Variants in LRP1B observed in about 807,000 individuals in gnomAD.
LRP1B encodes low-density lipoprotein receptor-related protein 1B.
LRP1B carries 217 observed loss-of-function variants against 556.6 expected under a neutral mutation model. The ratio of observed to expected loss-of-function variants is 0.39; its 90% CI spans 0.35 to 0.44. The LOEUF is 0.44. Ranked by LOEUF, LRP1B falls within the 20% of genes least tolerant of loss-of-function variation. The pLI, the probability that LRP1B is intolerant of heterozygous loss-of-function variation, is 1.00. For synonymous variants in LRP1B, 2,047 were observed against 1,865.8 expected (o/e 1.10, Z -2.50); for missense variants, 5,053 against 5,620.8 (o/e 0.90, Z 3.23).
chr2:141,139,105 T>C (rs137902126), intron 7 of LRP1B, among the ~76,000 whole-genome samples: 2,075 of 151,956 alleles, frequency 0.014, 20 homozygotes, highest in Middle Eastern at 0.044. Flanking sequence ...GAAACAATAG[T>C]TTTTTCAACA....
chr2:141,722,491 T>C (rs777981881), intron 2 of LRP1B, among the ~76,000 whole-genome samples: 5 of 152,176 alleles, frequency 3.3e-5, no homozygotes, highest in Non-Finnish European at 7.4e-5. Flanking sequence ...TACACTAAGC[T>C]GATTGTTATG....
intron 7 of LRP1B, among the ~76,000 whole-genome samples, chr2:141,162,063 T>C (rs2105114410): frequency 6.6e-6 from 1 of 152,232 alleles, no homozygotes; most frequent in African/African-American, 2.4e-5. Context: ...AAGATTCCTT[T>C]CTGTTCCTAG....
intron 43 of LRP1B, among the ~76,000 whole-genome samples, chr2:140,572,561 AT>A (rs1447764616): frequency 6.6e-6 from 1 of 151,744 alleles, no homozygotes; most frequent in African/African-American, 2.4e-5. Context: ...TATGAAAAAA[AT>A]ATTGAAGGGT....
At chr2:140,374,015 A>G (rs1478779363) in intron 68 of LRP1B, among the ~76,000 whole-genome samples, 1 of 152,060 alleles carries the variant, frequency 6.6e-6, no homozygotes. Flanking sequence ...CTCTTTTCTG[A>G]CATTGTTCCC....
In LRP1B at chr2:140,884,015, C is replaced by T. The variant is rs1254738597; in HGVS notation, c.3971G>A (p.Ser1324Asn). ...ATGCTCCACAACCACTTCAATGGCA[C>T]TGACACCTACAAAAGAAGGAAAACC... is the stretch of plus-strand genomic sequence containing the variant. The part of the protein sequence containing the change: ...RGKLSESGGV[S>N]AIEVVVEHGL... The change falls in exon 25 of 91, where the codon AGT becomes AAT. Residue 1324 changes from serine to asparagine, a missense_variant. Transcript: ENST00000389484. The T allele has an allele frequency of 3.1e-6, 5 of 1,612,216 alleles. No individual in the cohort carries two copies. The Admixed American group carries it at 5.0e-5, about 16-fold the overall frequency.
At chr2:141,254,921 A>C (rs1029458559) in intron 3 of LRP1B, among the ~76,000 whole-genome samples, 12 of 152,056 alleles carry the variant, frequency 7.9e-5, no homozygotes, top group Non-Finnish European at 5.9e-5. Flanking sequence ...AATTATTTCA[A>C]GAGGAAAGAT....
intron 1 of LRP1B, among the ~76,000 whole-genome samples, chr2:142,066,953 C>T (rs1379215738): frequency 1.3e-5 from 2 of 151,436 alleles, no homozygotes; most frequent in Non-Finnish European, 3.0e-5. Context: ...GGGTTATGGT[C>T]CCTTCTGGAA....
chr2:140,281,793 G>A (rs948455875), intron 84 of LRP1B, among the ~76,000 whole-genome samples: 5 of 151,706 alleles, frequency 3.3e-5, no homozygotes, highest in East Asian at 1.9e-4. Context: ...GCCAGTTTCC[G>A]TGCAATTTAT....
rs138154547 is a variant in LRP1B at position 141,250,921 on chromosome 2, G to A, written c.464-3567C>T. Reference sequence around the variant, plus strand: ...ATCCCCAGCGGAGGGGTAACATAAGGGTTTCAATATAGGGATGTCTAAAAT... The same window carrying A: ...ATCCCCAGCGGAGGGGTAACATAAGAGTTTCAATATAGGGATGTCTAAAAT... On this transcript the variant is annotated intron_variant, in intron 4 of 90. Transcript: ENST00000389484. Among the ~76,000 whole-genome samples, 815 of 152,144 alleles carry A rather than the reference G, an allele frequency of 5.4e-3. 9 individuals are homozygous for A. The highest frequency in any genetic ancestry group is 0.017 in the African/African-American group (691 of 41,542).
chr2:141,094,846 G>A (rs920801344), intron 7 of LRP1B, among the ~76,000 whole-genome samples: 1 of 152,148 alleles, frequency 6.6e-6, no homozygotes, highest in African/African-American at 2.4e-5. Flanking sequence ...GCCATTCAAT[G>A]AAATCGGAAA....
At chr2:141,142,921 C>CTT (rs35543111) in intron 7 of LRP1B, among the ~76,000 whole-genome samples, 11,667 of 101,284 alleles carry the variant, frequency 0.12, 1,394 homozygotes, top group African/African-American at 0.24. Flanking sequence ...TGTCTGATTA[C>CTT]TTTTTTTTTT....
rs1479764483 is a variant in LRP1B at position 140,232,169 on chromosome 2, A to G, written c.*1017T>C. 1 of 149,570 alleles carries G rather than the reference A, an allele frequency of 6.7e-6. No individual in the cohort carries two copies. The allele number at this position is 149,570 out of a possible 1,614,324, so 9.3% of individuals were successfully genotyped here. On this transcript the variant is annotated 3_prime_UTR_variant, in exon 91 of 91. Coordinates refer to ENST00000389484, the MANE Select transcript of LRP1B (RefSeq NM_018557.3). ...TATTAAATCTTGAAAATATTTGCCA[A>G]TCACTCTGTATACTAAAATGTCTGC...
intron 2 of LRP1B, among the ~76,000 whole-genome samples, chr2:141,698,504 A>AAAG (rs1359540799): frequency 1.3e-5 from 2 of 151,466 alleles, no homozygotes; most frequent in East Asian, 3.9e-4. Flanking sequence ...AAAAAAAAAA[A>AAAG]AAAAGAGTTT....
At position 141,631,993 on chromosome 2, in the gene LRP1B, G is replaced by A. The variant is rs78825398; in HGVS notation, c.206-151460C>T. Among the ~76,000 whole-genome samples the A allele has an allele frequency of 6.8e-3, 1,032 of 152,016 alleles. 15 individuals carry two copies. The highest frequency in any genetic ancestry group is 0.024 in the African/African-American group (991 of 41,466). On this transcript the variant is annotated intron_variant, in intron 2 of 90. Coordinates refer to ENST00000389484, the MANE Select transcript of LRP1B (RefSeq NM_018557.3). ...GGGGCACAATCATGGCTCACTGCAAGCTCACTGCAGCTTGAGCCTGGGATC... is the reference window on the plus strand; with the variant it reads ...GGGGCACAATCATGGCTCACTGCAAACTCACTGCAGCTTGAGCCTGGGATC...
At chr2:141,765,074 G>A (rs1236445813) in intron 2 of LRP1B, among the ~76,000 whole-genome samples, 3 of 146,252 alleles carry the variant, frequency 2.1e-5, no homozygotes, top group African/African-American at 7.6e-5. Context: ...AAAGAATGAG[G>A]CCAAGGCTGC....
At chr2:141,583,777 G>A (rs543745930) in intron 2 of LRP1B, among the ~76,000 whole-genome samples, 6 of 151,936 alleles carry the variant, frequency 3.9e-5, no homozygotes, top group East Asian at 3.9e-4. Flanking sequence ...GTCTTGCTCC[G>A]TCGCCAGGCT....
chr2:141,173,750 G>GA (rs1029853112), intron 7 of LRP1B, among the ~76,000 whole-genome samples: 9 of 151,494 alleles, frequency 5.9e-5, no homozygotes, highest in East Asian at 5.8e-4. Flanking sequence ...CAGAAAAACA[G>GA]AAAAAAAATG....
chr2:140,773,428 C>T (rs867594741), intron 33 of LRP1B, among the ~76,000 whole-genome samples: 1 of 152,042 alleles, frequency 6.6e-6, no homozygotes, highest in Middle Eastern at 3.2e-3. Context: ...GACATAGTGC[C>T]ACTGCACTCC....
In LRP1B at chr2:140,865,017, T is replaced by C. The variant is rs192131903; in HGVS notation, c.4579+2573A>G. On this transcript the variant is annotated intron_variant, in intron 27 of 90. Coordinates refer to ENST00000389484, the MANE Select transcript of LRP1B (RefSeq NM_018557.3). ...CCATGCCATTAATTCTAAGCTTGGC[T>C]CCCTCATGCTGTAAATTTTTCTAAT... Among the ~76,000 whole-genome samples the C allele has an allele frequency of 3.2e-3, 484 of 152,184 alleles. 4 individuals carry two copies. The highest frequency in any genetic ancestry group is 4.6e-3 in the Non-Finnish European group (310 of 67,924).
Sources: gnomAD v4.1 joint callset for allele counts (sites outside exome capture counted in the v4.1 genomes callset) on GRCh38, gnomAD v4.1.1 for gene constraint, MANE v1.5 for transcripts, NCBI Gene and HGNC (gene_info 2026-07-23, HGNC 2026-07-21) for gene names.